Variants in AKAP13 observed in about 807,000 individuals in gnomAD.
AKAP13 encodes A-kinase anchoring protein 13.
AKAP13 carries 80 observed loss-of-function variants against 264.5 expected under a neutral mutation model. The ratio of observed to expected loss-of-function variants is 0.30; its 90% confidence interval spans 0.25 to 0.36. The LOEUF (loss-of-function observed/expected upper bound fraction) is 0.36. AKAP13 is among the 10% of genes least tolerant of loss of function. The pLI, the probability that AKAP13 is intolerant of heterozygous loss-of-function variation, is 1.00. For synonymous variants in AKAP13, 1,380 were observed against 1,250.2 expected (o/e 1.10, Z -2.19); for missense variants, 3,712 against 3,435.2 (o/e 1.08, Z -2.01).
At chr15:85,409,195 T>C (rs1440240145) in intron 1 of AKAP13, among the ~76,000 whole-genome samples, 1 of 151,858 alleles carries the variant, frequency 6.6e-6, no homozygotes. Context: ...AATTATTTTT[T>C]TGAGATGGAG....
At position 85,385,940 on chromosome 15, in the gene AKAP13, C is replaced by T. The variant is rs762237122; in HGVS notation, c.-12+5142C>T. Among the ~76,000 whole-genome samples the T allele has an allele frequency of 1.4e-4, 21 of 152,146 alleles. 1 individual carries two copies. The highest frequency in any genetic ancestry group is 2.4e-4 in the Non-Finnish European group (16 of 68,034). On this transcript the variant is annotated intron_variant, in intron 1 of 36. Coordinates refer to ENST00000394518, the MANE Select transcript of AKAP13 (RefSeq NM_007200.5). ...TCCTGGGTTCAAGTGATTCTCCTGC[C>T]TTAACCTCCCGAGTAGCTGGGATTA...
At chr15:85,605,821 A>G (rs2080298704) in intron 8 of AKAP13, among the ~76,000 whole-genome samples, 1 of 152,162 alleles carries the variant, frequency 6.6e-6, no homozygotes. Context: ...CTTTAAATAT[A>G]CATAACTTTT....
chr15:85,471,544 T>G (rs1482346363), intron 1 of AKAP13, among the ~76,000 whole-genome samples: 1 of 152,208 alleles, frequency 6.6e-6, no homozygotes, highest in Non-Finnish European at 1.5e-5. Context: ...TAGGGTATAA[T>G]TTAAACACAA....
chr15:85,581,909 T>C lies in AKAP13; in HGVS notation c.3841T>C (p.Ser1281Pro), dbSNP rs751423478. 1 of 1,614,196 alleles carries C rather than the reference T, an allele frequency of 6.2e-7. No homozygotes were observed. The highest frequency in any genetic ancestry group is 1.1e-5 in the South Asian group (1 of 91,082). ...GGGGGAGGCCTGTCACATGTCACTG[T>C]CCAGCCCTGAGTTGGGTCCTCTCAC... Reference protein sequence around the residue: ...TEGEACHMSLSSPELGPLTKG... With the variant: ...TEGEACHMSLPSPELGPLTKG... The change falls in exon 7 of 37, where the codon TCC (serine) becomes CCC (proline). Residue 1281 changes from serine to proline, a missense_variant. Coordinates refer to ENST00000394518, the MANE Select transcript of AKAP13 (RefSeq NM_007200.5).
intron 13 of AKAP13, among the ~76,000 whole-genome samples, chr15:85,667,459 AAAAT>A (rs1255114100): frequency 2.6e-5 from 4 of 152,216 alleles, no homozygotes; most frequent in African/African-American, 9.6e-5. Context: ...AAGGAAGAAA[AAAAT>A]AGGAACAATT....
chr15:85,504,853 CGCTT>C (rs2076160673), intron 2 of AKAP13, among the ~76,000 whole-genome samples: 1 of 152,060 alleles, frequency 6.6e-6, no homozygotes, highest in African/African-American at 2.4e-5. Context: ...GAGACACTCT[CGCTT>C]GCTCTTTCTC....
chr15:85,663,644 T>G (rs887860114), intron 12 of AKAP13, among the ~76,000 whole-genome samples: 1 of 152,184 alleles, frequency 6.6e-6, no homozygotes, highest in Admixed American at 6.5e-5. Flanking sequence ...GAGAACATGG[T>G]CAGCTACAGC....
Position 85,699,438 on chromosome 15 carries a change from C to CT in AKAP13, c.5464+5988dup, listed in dbSNP as rs2085773200. ...TAGCGTGCGCAACAAGAGTGAAACT[C>CT]TATCTCAAAAAAAAAAAAAATTCTT... is the stretch of plus-strand genomic sequence containing the variant. On this transcript the variant is annotated intron_variant, in intron 17 of 36. Transcript: ENST00000394518. 2.1e-5 allele frequency among the ~76,000 whole-genome samples: 3 copies of CT among 144,714 alleles called. No individual in the cohort carries two copies. The South Asian group carries it at 6.6e-4, about 32-fold the overall frequency. The allele number at this position is 144,714 out of a possible 152,430, so 94.9% of individuals were successfully genotyped here. A position where few individuals can be genotyped will look rare whatever the true frequency, so the allele number is the denominator to read the frequency against.
intron 8 of AKAP13, among the ~76,000 whole-genome samples, chr15:85,634,284 AAAC>A (rs1445749702): frequency 6.6e-6 from 1 of 152,238 alleles, no homozygotes; most frequent in Non-Finnish European, 1.5e-5. Context: ...ATATACAGTA[AAAC>A]TGTTGATCTT....
chr15:85,422,190 T>A (rs1221732062), intron 1 of AKAP13, among the ~76,000 whole-genome samples: 1 of 152,178 alleles, frequency 6.6e-6, no homozygotes, highest in African/African-American at 2.4e-5. Context: ...TATATGTTGG[T>A]AGGAGAGGAC....
chr15:85,579,951 A>T lies in AKAP13; in HGVS notation c.1883A>T (p.Asp628Val), dbSNP rs1386267650. The change falls in exon 7 of 37, where the codon GAT becomes GTT. Residue 628 changes from aspartate to valine, a missense_variant. Coordinates refer to ENST00000394518, the MANE Select transcript of AKAP13 (RefSeq NM_007200.5). The part of the protein sequence containing the change: ...SDLALLGLEE[D>V]VMPHQNSETN... ...TTAGCCCTTCTTGGGCTGGAAGAAGATGTAATGCCACACCAGAACTCAGAA... is the reference window on the plus strand; with the variant it reads ...TTAGCCCTTCTTGGGCTGGAAGAAGTTGTAATGCCACACCAGAACTCAGAA... 11 of 1,614,086 alleles carry T rather than the reference A, an allele frequency of 6.8e-6. No individual in the cohort carries two copies. Among genetic ancestry groups the T allele is most frequent in the African/African-American group, 1.3e-5 (1 of 74,934 alleles).
chr15:85,659,560 T>G (rs2083245198), intron 12 of AKAP13, among the ~76,000 whole-genome samples: 1 of 152,238 alleles, frequency 6.6e-6, no homozygotes, highest in East Asian at 1.9e-4. Flanking sequence ...AGTTGTTAAA[T>G]AAGTTTTAAC....
intron 12 of AKAP13, 64 bp downstream of exon 12, chr15:85,658,654 T>C (rs1403590164): frequency 5.6e-6 from 8 of 1,422,474 alleles, no homozygotes; most frequent in Non-Finnish European, 7.9e-6. Flanking sequence ...AACAAGCATC[T>C]CATTCTGCTT....
At chr15:85,433,117 G>GTTTTTTTTTTTTTTTTTTTT (rs199655190) in intron 1 of AKAP13, among the ~76,000 whole-genome samples, 6 of 53,242 alleles carry the variant, frequency 1.1e-4, no homozygotes, top group African/African-American at 3.2e-4. Context: ...CTTCTGTACA[G>GTTTTTTTTTTTTTTTTTTTT]TTTTTTTTTT....
At chr15:85,536,554 A>C (rs1042857606) in intron 4 of AKAP13, 1 of 152,240 alleles carries the variant, frequency 6.6e-6, no homozygotes, top group African/African-American at 2.4e-5. Context: ...CATAATCTTC[A>C]AAAACTGGAA....
At chr15:85,526,442 C>CGT (rs149977822) in intron 3 of AKAP13, among the ~76,000 whole-genome samples, 42,446 of 151,064 alleles carry the variant, frequency 0.28, 7,232 homozygotes, top group African/African-American at 0.49. Flanking sequence ...GTGGCTGGCA[C>CGT]GTGTGTGTGT....
In AKAP13 at chr15:85,744,663, GA is replaced by G. The variant is rs759321411; in HGVS notation, c.8429del (p.Glu2810GlyfsTer11). 1.2e-6 allele frequency: 2 copies of G among 1,610,884 alleles called. No homozygotes were observed. Among genetic ancestry groups the G allele is most frequent in the East Asian group, 4.5e-5 (2 of 44,846 alleles). On this transcript the variant is annotated frameshift_variant, in exon 37 of 37. Coordinates refer to ENST00000394518, the MANE Select transcript of AKAP13 (RefSeq NM_007200.5). LOFTEE classifies it high-confidence loss of function. ...GTCAGAAGTATCAGCAGAGGGTGAA[GA>G]GATCTTCTGCTGACCCTCTTCCTCT... ...PASEVSAEGE[E>X]IFC
chr15:85,685,240 C>T (rs896588796), intron 16 of AKAP13: 3 of 161,036 alleles, frequency 1.9e-5, no homozygotes, highest in Admixed American at 6.4e-5. Flanking sequence ...ACTCTTAAAC[C>T]ACAGTGCTTA....
At chr15:85,474,379 G>T (rs1263301462) in intron 1 of AKAP13, among the ~76,000 whole-genome samples, 2 of 152,052 alleles carry the variant, frequency 1.3e-5, no homozygotes, top group African/African-American at 2.4e-5. Flanking sequence ...TGGCATCAGT[G>T]TTGATAATTA....
Sources: gnomAD v4.1 joint callset for allele counts (sites outside exome capture counted in the v4.1 genomes callset) on GRCh38, gnomAD v4.1.1 for gene constraint, MANE v1.5 for transcripts, NCBI Gene and HGNC (gene_info 2026-07-23, HGNC 2026-07-21) for gene names.